Variants in NARS2 observed in about 807,000 individuals in gnomAD.
NARS2 encodes asparaginyl-tRNA synthetase 2, mitochondrial, also known as asparaginyl-tRNA synthetase.
Under a neutral mutation model 62.9 loss-of-function variants are expected in NARS2, and 60 were observed. The observed-to-expected ratio is 0.95, with a 90% CI of 0.77 to 1.18. NARS2 has a LOEUF of 1.18. Among genes scored for constraint, NARS2 ranks in the 50% most tolerant of loss-of-function variants. The pLI, the probability that NARS2 is intolerant of heterozygous loss-of-function variation, is 0.00. For missense variants in NARS2, 619 were observed against 576.4 expected (o/e 1.07, Z -0.76); for synonymous variants, 196 against 200.0 (o/e 0.98, Z 0.17).
intron 6 of NARS2, among the ~76,000 whole-genome samples, chr11:78,498,441 G>A (rs572318565): frequency 6.6e-5 from 10 of 152,148 alleles, no homozygotes; most frequent in Non-Finnish European, 7.4e-5. Flanking sequence ...CTTTTCTCCC[G>A]ATACTTTTCC....
intron 7 of NARS2, 31 bp downstream of exon 7, chr11:78,493,029 CAGA>C (rs770941258): frequency 1.3e-4 from 10 of 74,662 alleles, no homozygotes; most frequent in Non-Finnish European, 2.4e-4. Flanking sequence ...TTTAATGTCA[CAGA>C]TACCTGGTAT....
At chr11:78,561,917 C>G (rs1856569578) in intron 4 of NARS2, among the ~76,000 whole-genome samples, 1 of 152,032 alleles carries the variant, frequency 6.6e-6, no homozygotes, top group African/African-American at 2.4e-5. Context: ...AAAAATTAGC[C>G]CGGTGTGGTA....
chr11:78,524,978 T>A lies in NARS2; in HGVS notation c.689+3864A>T, dbSNP rs183231119. Among the ~76,000 whole-genome samples, 758 of 152,188 alleles carry A rather than the reference T, an allele frequency of 5.0e-3. 4 individuals carry two copies. Among genetic ancestry groups the A allele is most frequent in the African/African-American group, 0.018 (735 of 41,548 alleles). On this transcript the variant is annotated intron_variant, in intron 6 of 13. Transcript: ENST00000281038. ...ATTTAGCACTACAACAAATGAGCTATCCAGCCATGAAAAGTCCTGGAGGAA... is the reference window on the plus strand; with the variant it reads ...ATTTAGCACTACAACAAATGAGCTAACCAGCCATGAAAAGTCCTGGAGGAA...
chr11:78,560,542 C>T (rs981658611), intron 4 of NARS2, among the ~76,000 whole-genome samples: 2 of 152,160 alleles, frequency 1.3e-5, no homozygotes, highest in African/African-American at 4.8e-5. Flanking sequence ...AAATTTTGGT[C>T]TTGGAATCAA....
At chr11:78,483,909 CAA>C (rs989649923) in intron 7 of NARS2, among the ~76,000 whole-genome samples, 10 of 152,186 alleles carry the variant, frequency 6.6e-5, no homozygotes, top group Admixed American at 5.9e-4. Flanking sequence ...CATATGGAAC[CAA>C]AAGAGAGCCT....
intron 13 of NARS2, among the ~76,000 whole-genome samples, chr11:78,437,242 G>A (rs57247560): frequency 0.016 from 2,451 of 152,252 alleles, 55 homozygotes; most frequent in African/African-American, 0.056. Context: ...AGAGTGCAGA[G>A]TTTTGCCTGT....
Position 78,563,885 on chromosome 11 carries a change from G to GTAGTATTATTAT in NARS2, c.513+2246_513+2247insATAATAATACTA, listed in dbSNP as rs1856650733. 1.9e-4 allele frequency among the ~76,000 whole-genome samples: 16 copies of GTAGTATTATTAT among 82,072 alleles called. 1 individual carries two copies. The highest frequency in any genetic ancestry group is 7.4e-4 in the African/African-American group (16 of 21,546). 53.8% of individuals were successfully genotyped at this position (82,072 alleles called of 152,430 possible). On this transcript the variant is annotated intron_variant, in intron 4 of 13. Transcript: ENST00000281038. ...ATATATATATGTATACACACACACA[G>GTAGTATTATTAT]TATTATTATTATTATTATTATTATT...
At chr11:78,504,132 A>C (rs1413783431) in intron 6 of NARS2, among the ~76,000 whole-genome samples, 2 of 152,250 alleles carry the variant, frequency 1.3e-5, no homozygotes, top group African/African-American at 4.8e-5. Context: ...CTAAAATACT[A>C]TCTGCCTAAA....
chr11:78,511,636 G>A (rs1860725189), intron 6 of NARS2, among the ~76,000 whole-genome samples: 1 of 151,912 alleles, frequency 6.6e-6, no homozygotes, highest in Non-Finnish European at 1.5e-5. Context: ...AGAATGGCGT[G>A]AATCCCGGAG....
At chr11:78,530,541 T>C (rs576843553) in intron 5 of NARS2, among the ~76,000 whole-genome samples, 1 of 152,358 alleles carries the variant, frequency 6.6e-6, no homozygotes, top group African/African-American at 2.4e-5. Context: ...TGGCGCGATC[T>C]TGACTCACTG....
intron 13 of NARS2, among the ~76,000 whole-genome samples, chr11:78,438,856 CT>C (rs1857491261): frequency 1.3e-5 from 2 of 152,136 alleles, no homozygotes; most frequent in Non-Finnish European, 2.9e-5. Flanking sequence ...TGTCTAAGGT[CT>C]CTTTTACCTT....
intron 5 of NARS2, among the ~76,000 whole-genome samples, chr11:78,531,011 T>C (rs115874010): frequency 0.015 from 2,278 of 152,192 alleles, 59 homozygotes; most frequent in African/African-American, 0.052. Flanking sequence ...ATATATTTTA[T>C]CTCAGAATAT....
At chr11:78,539,742 C>T (rs1349380165) in intron 5 of NARS2, among the ~76,000 whole-genome samples, 1 of 152,174 alleles carries the variant, frequency 6.6e-6, no homozygotes, top group Non-Finnish European at 1.5e-5. Context: ...CTTCAGGAGT[C>T]TGTAGAGCAT....
chr11:78,563,855 T>C (rs1326352652), intron 4 of NARS2, among the ~76,000 whole-genome samples: 1 of 19,934 alleles, frequency 5.0e-5, no homozygotes, highest in Non-Finnish European at 1.3e-4. Context: ...AAAAAAAATA[T>C]ATATATATAT....
chr11:78,462,459 G>A (rs1858436968), intron 11 of NARS2, among the ~76,000 whole-genome samples: 2 of 152,052 alleles, frequency 1.3e-5, no homozygotes, highest in South Asian at 2.1e-4. Flanking sequence ...TAAAATAAAT[G>A]GCTAAAAAGT....
chr11:78,553,166 G>A (rs1856190361), intron 5 of NARS2, among the ~76,000 whole-genome samples: 1 of 151,998 alleles, frequency 6.6e-6, no homozygotes, highest in Non-Finnish European at 1.5e-5. Context: ...GTGTGAGATG[G>A]TATCTCATTG....
intron 10 of NARS2, among the ~76,000 whole-genome samples, chr11:78,467,210 G>A (rs1016275230): frequency 1.2e-4 from 18 of 152,146 alleles, no homozygotes; most frequent in African/African-American, 4.3e-4. Flanking sequence ...TATGTCCATT[G>A]ACAGACCATG....
chr11:78,507,116 C>A (rs1269500115), intron 6 of NARS2, among the ~76,000 whole-genome samples: 1 of 152,140 alleles, frequency 6.6e-6, no homozygotes, highest in South Asian at 2.1e-4. Flanking sequence ...CACAGAGATA[C>A]AGAGAGGCAG....
intron 6 of NARS2, among the ~76,000 whole-genome samples, chr11:78,514,505 G>A (rs1860834708): frequency 6.6e-6 from 1 of 152,144 alleles, no homozygotes. Context: ...ATATCAACAG[G>A]CACAGCATTT....
Sources: gnomAD v4.1 joint callset for allele counts (sites outside exome capture counted in the v4.1 genomes callset) on GRCh38, gnomAD v4.1.1 for gene constraint, MANE v1.5 for transcripts, NCBI Gene and HGNC (gene_info 2026-07-23, HGNC 2026-07-21) for gene names.